FCRL1: variants seen among roughly 807,000 people sequenced by gnomAD.
FCRL1 encodes Fc receptor like 1.
FCRL1 carries 34 observed loss-of-function variants against 49.2 expected under a neutral mutation model. The observed-to-expected ratio is 0.69, with a 90% CI of 0.53 to 0.92. The LOEUF (loss-of-function observed/expected upper bound fraction) is 0.92, where lower values mean the gene tolerates loss of function less well. Ranked by LOEUF, FCRL1 falls within the 40% of genes least tolerant of loss-of-function variation. FCRL1 has a pLI of 0.00. For missense variants in FCRL1, 524 were observed against 524.1 expected (o/e 1.00, Z 0.00); for synonymous variants, 218 against 201.6 (o/e 1.08, Z -0.69).
chr1:157,810,775 A>G (rs1654202929), intron 1 of FCRL1, among the ~76,000 whole-genome samples: 1 of 152,096 alleles, frequency 6.6e-6, no homozygotes, highest in African/African-American at 2.4e-5. Context: ...ACAGCAATTC[A>G]CTGAAAACTT....
chr1:157,816,698 A>C (rs1366586522), intron 1 of FCRL1, among the ~76,000 whole-genome samples: 2 of 151,628 alleles, frequency 1.3e-5, no homozygotes, highest in Non-Finnish European at 3.0e-5. Context: ...AACTCTAAAG[A>C]CCCCACCAAC....
intron 6 of FCRL1, 51 bp downstream of exon 6, chr1:157,801,410 A>G (rs769432714): frequency 1.7e-6 from 2 of 1,146,524 alleles, no homozygotes; most frequent in Non-Finnish European, 2.6e-6. Context: ...AGCCTATTTC[A>G]GTGAAAACAA....
chr1:157,798,584 A>G (rs528327890), intron 7 of FCRL1, among the ~76,000 whole-genome samples: 5 of 152,286 alleles, frequency 3.3e-5, no homozygotes, highest in African/African-American at 1.2e-4. Context: ...GGGCAGAACA[A>G]GCAACTTGAG....
chr1:157,811,706 G>T (rs756780251), intron 1 of FCRL1, among the ~76,000 whole-genome samples: 8 of 152,164 alleles, frequency 5.3e-5, no homozygotes, highest in South Asian at 4.2e-4. Context: ...TGTTCCTGGG[G>T]GCAGTAGTCA....
chr1:157,817,309 G>A (rs966606579), intron 1 of FCRL1, among the ~76,000 whole-genome samples: 4 of 151,940 alleles, frequency 2.6e-5, no homozygotes, highest in Non-Finnish European at 5.9e-5. Flanking sequence ...AAACAGCATT[G>A]TACAGGCACA....
chr1:157,797,250 A>G (rs116445901), intron 9 of FCRL1, 118 bp from the exon 10 acceptor site: 18,889 of 1,045,510 alleles, frequency 0.018, 276 homozygotes, highest in Middle Eastern at 0.046. Flanking sequence ...ATTTCCATTA[A>G]TATTTTCTGT....
intron 1 of FCRL1, among the ~76,000 whole-genome samples, chr1:157,813,333 G>T (rs1298481659): frequency 6.6e-6 from 1 of 152,088 alleles, no homozygotes; most frequent in Admixed American, 6.6e-5. Context: ...GAATACAGAT[G>T]AAAAGTTCAA....
At chr1:157,800,982 CCCTGGTTCAAGTGATTCT>C (rs1355162989) in intron 6 of FCRL1, among the ~76,000 whole-genome samples, 1 of 152,040 alleles carries the variant, frequency 6.6e-6, no homozygotes, top group Non-Finnish European at 1.5e-5. Context: ...ACCTCCAACT[CCCTGGTTCAAGTGATTCT>C]CCTGCTTCAG....
chr1:157,818,374 A>G (rs549630015), intron 1 of FCRL1, among the ~76,000 whole-genome samples: 1 of 151,652 alleles, frequency 6.6e-6, no homozygotes, highest in Admixed American at 6.6e-5. Flanking sequence ...AGCCTGAAGG[A>G]TATTATGTTA....
intron 3 of FCRL1, 101 bp from the exon 4 acceptor site, chr1:157,802,765 T>A: frequency 8.0e-7 from 1 of 1,248,198 alleles, no homozygotes; most frequent in Non-Finnish European, 1.1e-6. Context: ...ATGAGTGAAG[T>A]CAATGATGTA....
At chr1:157,799,560 G>A (rs1652082806) in intron 7 of FCRL1, among the ~76,000 whole-genome samples, 1 of 152,056 alleles carries the variant, frequency 6.6e-6, no homozygotes, top group East Asian at 1.9e-4. Flanking sequence ...TGGTGTATAA[G>A]AATGCTTGTG....
chr1:157,802,141 T>C lies in FCRL1; in HGVS notation c.660A>G (p.Ala220=), dbSNP rs1652609543. 1 of 1,614,126 alleles carries C rather than the reference T, an allele frequency of 6.2e-7. No individual in the cohort carries two copies. Among genetic ancestry groups the C allele is most frequent in the South Asian group, 1.1e-5 (1 of 91,084 alleles). Residue 220 remains alanine (A), a synonymous_variant, in exon 5 of 11, where the codon GCA becomes GCG. Coordinates refer to ENST00000368176, the MANE Select transcript of FCRL1 (RefSeq NM_052938.5). ...AGTGAAGCTCCAGCACATCCTCCAC[T>C]GCAGCCTGGGCCCTGGGAGCCCTGA... is the stretch of plus-strand genomic sequence containing the variant. ...LMLRAPRAQA[A]VEDVLELHCE...
Position 157,802,328 on chromosome 1 carries a change from G to A in FCRL1, c.607+49C>T, listed in dbSNP as rs74937002. On this transcript the variant is annotated intron_variant, in intron 4 of 10. Coordinates refer to ENST00000368176, the MANE Select transcript of FCRL1 (RefSeq NM_052938.5). ...AACTTTGTGTGCCCCAGGGAAATGTGGAGCCCAGTTTGTGACTGGCTGGCT... is the reference window on the plus strand; with the variant it reads ...AACTTTGTGTGCCCCAGGGAAATGTAGAGCCCAGTTTGTGACTGGCTGGCT... 5.3e-4 allele frequency: 847 copies of A among 1,596,728 alleles called. 18 individuals carry two copies. In the East Asian group the frequency reaches 0.019, roughly 35 times the overall value.
At chr1:157,806,618 T>C (rs12030416) in intron 2 of FCRL1, 7,858 of 153,262 alleles carry the variant, frequency 0.051, 645 homozygotes, top group African/African-American at 0.18. Flanking sequence ...GCAGTACTAC[T>C]TCATTCCACA....
chr1:157,808,190 G>T (rs1353829014), intron 1 of FCRL1, among the ~76,000 whole-genome samples: 1 of 152,128 alleles, frequency 6.6e-6, no homozygotes, highest in East Asian at 1.9e-4. Flanking sequence ...GGAGTGATGG[G>T]AGTAAACATG....
At chr1:157,803,794 G>A in intron 3 of FCRL1, 51 bp downstream of exon 3, 1 of 1,589,554 alleles carries the variant, frequency 6.3e-7, no homozygotes, top group Non-Finnish European at 8.6e-7. Context: ...TTAGCCTCTT[G>A]CCACTGCCCT....
Position 157,798,160 on chromosome 1 carries a change from C to A in FCRL1, c.1114+1G>T. The A allele has an allele frequency of 6.2e-7, 1 of 1,610,596 alleles. No homozygotes were observed. The highest frequency in any genetic ancestry group is 8.5e-7 in the Non-Finnish European group (1 of 1,178,132). On this transcript the variant is annotated splice_donor_variant, in intron 8 of 10. Transcript: ENST00000368176. LOFTEE classifies it high-confidence loss of function. ...GGCCTGGGCCATTTGGGAAGGCTCACCATTTTCATATATAGGCTGTAGCTG... is the reference window on the plus strand; with the variant it reads ...GGCCTGGGCCATTTGGGAAGGCTCAACATTTTCATATATAGGCTGTAGCTG...
chr1:157,806,790 T>G, intron 2 of FCRL1: 1 of 268,442 alleles, frequency 3.7e-6, no homozygotes, highest in Non-Finnish European at 7.0e-6. Context: ...CAGCACCCTT[T>G]GCCTTCCTTG....
chr1:157,805,045 G>C (rs1171251757), intron 2 of FCRL1, among the ~76,000 whole-genome samples: 1 of 151,984 alleles, frequency 6.6e-6, no homozygotes, highest in East Asian at 1.9e-4. Context: ...ATTTTTTGTA[G>C]AGATAAGATT....
Sources: allele counts gnomAD v4.1 joint callset (sites outside exome capture counted in the v4.1 genomes callset), GRCh38; gene constraint gnomAD v4.1.1; transcripts MANE v1.5; gene names NCBI Gene and HGNC (gene_info 2026-07-23, HGNC 2026-07-21).